The following FOXO1 variants were observed in gnomAD, a reference collection of about 807,000 sequenced individuals.
The protein encoded by FOXO1 is forkhead box O1, also known as forkhead box protein O1.
FOXO1 carries 6 observed loss-of-function variants against 44.1 expected under a neutral mutation model. That is an observed-to-expected ratio of 0.14 (90% CI 0.07 to 0.27). FOXO1 has a LOEUF of 0.27. Among genes scored for constraint, FOXO1 ranks in the 10% least tolerant of loss-of-function variants. FOXO1 has a pLI of 1.00. For missense variants in FOXO1, 737 were observed against 888.8 expected (o/e 0.83, Z 2.17); for synonymous variants, 380 against 362.7 (o/e 1.05, Z -0.54).
chr13:40,637,208 G>A (rs547613143), intron 1 of FOXO1, among the ~76,000 whole-genome samples: 39 of 152,180 alleles, frequency 2.6e-4, no homozygotes, highest in Admixed American at 7.9e-4. Context: ...CTTTGGGAGT[G>A]CCAAGGCAGG....
intron 1 of FOXO1, among the ~76,000 whole-genome samples, chr13:40,596,928 T>G (rs1338578349): frequency 6.6e-6 from 1 of 152,090 alleles, no homozygotes. Context: ...TCATCCTCAT[T>G]CTGTCAAAAG....
intron 1 of FOXO1, among the ~76,000 whole-genome samples, chr13:40,636,447 A>T (rs959572841): frequency 6.6e-6 from 1 of 151,614 alleles, no homozygotes; most frequent in East Asian, 1.9e-4. Flanking sequence ...ATATGAGAGG[A>T]CTGCTTGAGG....
chr13:40,577,892 T>C (rs1874819539), intron 1 of FOXO1, among the ~76,000 whole-genome samples: 1 of 152,140 alleles, frequency 6.6e-6, no homozygotes, highest in African/African-American at 2.4e-5. Context: ...CTTCCTTAGT[T>C]TCAGATATCA....
intron 1 of FOXO1, among the ~76,000 whole-genome samples, chr13:40,663,070 A>G (rs1878086828): frequency 6.6e-6 from 1 of 152,240 alleles, no homozygotes; most frequent in African/African-American, 2.4e-5. Context: ...ACCAACTGAC[A>G]TTACACCTGA....
intron 1 of FOXO1, among the ~76,000 whole-genome samples, chr13:40,626,674 G>A (rs1050676709): frequency 3.3e-5 from 5 of 152,088 alleles, no homozygotes; most frequent in South Asian, 2.1e-4. Context: ...TAAAGTGAAC[G>A]TCTCCATATG....
At chr13:40,586,541 G>T (rs1180284210) in intron 1 of FOXO1, among the ~76,000 whole-genome samples, 2 of 152,194 alleles carry the variant, frequency 1.3e-5, no homozygotes, top group Non-Finnish European at 2.9e-5. Context: ...TTGCAGTCTG[G>T]AATAAAAGGC....
At chr13:40,605,241 TAGAA>T (rs973162805) in intron 1 of FOXO1, among the ~76,000 whole-genome samples, 1 of 152,134 alleles carries the variant, frequency 6.6e-6, no homozygotes, top group African/African-American at 2.4e-5. Context: ...AGTAAATAAA[TAGAA>T]AAATAAAATT....
In FOXO1 at chr13:40,644,166, T is replaced by C. The variant is rs146674894; in HGVS notation, c.630+21417A>G. ...CCAGTAAATATATCTAACCAGCACC[T>C]TTTGTCCAGTGATCTCGAAGCAAGT... On this transcript the variant is annotated intron_variant, in intron 1 of 2. Transcript: ENST00000379561. Among the ~76,000 whole-genome samples, 230 of 152,324 alleles carry C rather than the reference T, an allele frequency of 1.5e-3. 2 individuals are homozygous for C. Among genetic ancestry groups the C allele is most frequent in the African/African-American group, 5.3e-3 (219 of 41,580 alleles).
intron 1 of FOXO1, among the ~76,000 whole-genome samples, chr13:40,596,701 C>T (rs887229666): frequency 1.3e-5 from 2 of 152,224 alleles, no homozygotes; most frequent in African/African-American, 2.4e-5. Context: ...TAAATATACA[C>T]GTCACTAAGC....
At chr13:40,620,799 C>T (rs77094603) in intron 1 of FOXO1, among the ~76,000 whole-genome samples, 6,328 of 121,150 alleles carry the variant, frequency 0.052, 533 homozygotes, top group East Asian at 0.41. Flanking sequence ...CTTCCCCTTG[C>T]TTTTTTTTTT....
At chr13:40,627,654 G>A (rs1876827664) in intron 1 of FOXO1, among the ~76,000 whole-genome samples, 1 of 152,096 alleles carries the variant, frequency 6.6e-6, no homozygotes, top group African/African-American at 2.4e-5. Flanking sequence ...CCAGCATGGT[G>A]AAACCCCATC....
chr13:40,601,708 C>T (rs1331466057), intron 1 of FOXO1, among the ~76,000 whole-genome samples: 5 of 152,040 alleles, frequency 3.3e-5, no homozygotes, highest in Non-Finnish European at 7.4e-5. Context: ...TTTTTAGACA[C>T]GTTTCTAAAA....
At chr13:40,565,196 C>A (rs75819588) in intron 1 of FOXO1, among the ~76,000 whole-genome samples, 3,314 of 152,290 alleles carry the variant, frequency 0.022, 129 homozygotes, top group East Asian at 0.12. Context: ...AGTACCAATT[C>A]ATGTCAACTA....
intron 1 of FOXO1, among the ~76,000 whole-genome samples, chr13:40,575,411 T>C (rs1444970540): frequency 1.3e-5 from 2 of 152,112 alleles, no homozygotes; most frequent in African/African-American, 2.4e-5. Context: ...GTTAGAGCAC[T>C]TGCCAGGGGT....
rs774497137 is a variant in FOXO1 at position 40,559,936 on chromosome 13, G to A, written c.1555C>T (p.Pro519Ser). 1.2e-5 allele frequency: 20 copies of A among 1,614,172 alleles called. 1 individual carries two copies. The South Asian group carries it at 2.1e-4, about 17-fold the overall frequency. The change falls in exon 2 of 3, where the codon CCC becomes TCC. Residue 519 changes from proline (P) to serine (S), a missense_variant. Transcript: ENST00000379561. ...SQASHNKMMN[P>S]SSHTHPGHAQ... is the part of the protein sequence containing the mutation. ...TGTCCAGGGTGGGTATGGGAGCTGG[G>A]ATTCATCATTTTGTTATGAGATGCC... is the stretch of plus-strand genomic sequence containing the variant.
intron 1 of FOXO1, among the ~76,000 whole-genome samples, chr13:40,582,761 C>G (rs1443393598): frequency 6.6e-6 from 1 of 152,222 alleles, no homozygotes; most frequent in African/African-American, 2.4e-5. Flanking sequence ...TTCACCACAT[C>G]TGCATCTACT....
At chr13:40,626,732 C>T (rs1443064285) in intron 1 of FOXO1, among the ~76,000 whole-genome samples, 1 of 152,196 alleles carries the variant, frequency 6.6e-6, no homozygotes, top group Non-Finnish European at 1.5e-5. Flanking sequence ...AAGACACTGG[C>T]CCATGAACTT....
intron 1 of FOXO1, among the ~76,000 whole-genome samples, chr13:40,652,945 T>C (rs549625979): frequency 6.6e-6 from 1 of 152,236 alleles, no homozygotes; most frequent in Non-Finnish European, 1.5e-5. Flanking sequence ...CTTTCCAAAC[T>C]AAATTTGAAA....
chr13:40,594,601 G>C (rs1875507588), intron 1 of FOXO1, among the ~76,000 whole-genome samples: 2 of 152,198 alleles, frequency 1.3e-5, no homozygotes, highest in Non-Finnish European at 2.9e-5. Context: ...CTCCAATAAA[G>C]AGCACAAGAT....
Sources: gnomAD v4.1 joint callset for allele counts (sites outside exome capture counted in the v4.1 genomes callset) on GRCh38, gnomAD v4.1.1 for gene constraint, MANE v1.5 for transcripts, NCBI Gene and HGNC (gene_info 2026-07-23, HGNC 2026-07-21) for gene names.